Variants in ULK4 observed in about 807,000 individuals in gnomAD.
ULK4 encodes the protein inactive serine/threonine-protein kinase ULK4.
Under a neutral mutation model 160.6 loss-of-function variants are expected in ULK4, and 133 were observed. The ratio of observed to expected loss-of-function variants is 0.83; its 90% CI spans 0.72 to 0.96. The LOEUF is 0.96. ULK4 is among the 40% of genes least tolerant of loss of function. The pLI, the probability that ULK4 is intolerant of heterozygous loss-of-function variation, is 0.00. For synonymous variants in ULK4, 534 were observed against 539.8 expected (o/e 0.99, Z 0.15); for missense variants, 1,580 against 1,499.5 (o/e 1.05, Z -0.89).
chr3:41,917,004 G>A lies in ULK4; in HGVS notation c.728-952C>T, dbSNP rs1356444889. 7.9e-5 allele frequency among the ~76,000 whole-genome samples: 12 copies of A among 152,128 alleles called. No homozygotes were observed. The East Asian group carries it at 2.1e-3, about 27-fold the overall frequency. On this transcript the variant is annotated intron_variant, in intron 7 of 36. Transcript: ENST00000301831. ...ATTACAGGTGTGTGCCACCATGCCC[G>A]GCCCCAGCTTAACTATTAATTATAC...
intron 32 of ULK4, among the ~76,000 whole-genome samples, chr3:41,499,662 T>C (rs1488887775): frequency 6.6e-6 from 1 of 152,194 alleles, no homozygotes; most frequent in Non-Finnish European, 1.5e-5. Context: ...TGAATTAATA[T>C]ATCAATTACG....
At chr3:41,380,010 T>C (rs1575490601) in intron 35 of ULK4, among the ~76,000 whole-genome samples, 1 of 152,316 alleles carries the variant, frequency 6.6e-6, no homozygotes, top group East Asian at 1.9e-4. Flanking sequence ...GGCTGTCATG[T>C]GCTCACATAC....
chr3:41,820,463 C>T (rs1217493670), intron 18 of ULK4, among the ~76,000 whole-genome samples: 8 of 152,102 alleles, frequency 5.3e-5, no homozygotes, highest in Non-Finnish European at 2.9e-5. Flanking sequence ...ATATATCCAC[C>T]ACGAAATACT....
At chr3:41,529,071 C>T (rs909187411) in intron 32 of ULK4, among the ~76,000 whole-genome samples, 1 of 152,212 alleles carries the variant, frequency 6.6e-6, no homozygotes, top group Admixed American at 6.5e-5. Flanking sequence ...TCCCAAAGCG[C>T]ATCTTGAGAG....
intron 35 of ULK4, among the ~76,000 whole-genome samples, chr3:41,354,212 A>G (rs993170801): frequency 3.3e-5 from 5 of 152,150 alleles, no homozygotes; most frequent in African/African-American, 9.7e-5. Flanking sequence ...TCCTTGGTTC[A>G]TTGTTGACCA....
intron 33 of ULK4, among the ~76,000 whole-genome samples, chr3:41,461,568 G>A (rs1178126402): frequency 2.6e-5 from 4 of 152,172 alleles, no homozygotes; most frequent in Admixed American, 2.0e-4. Context: ...GCAGTAAAAT[G>A]TACAGTGGTG....
intron 31 of ULK4, among the ~76,000 whole-genome samples, chr3:41,588,083 C>G (rs1433226032): frequency 6.6e-6 from 1 of 152,180 alleles, no homozygotes; most frequent in Non-Finnish European, 1.5e-5. Flanking sequence ...TTAAGGACAT[C>G]TGAGCAGACA....
intron 34 of ULK4, among the ~76,000 whole-genome samples, chr3:41,401,277 C>G (rs1267861039): frequency 2.0e-5 from 3 of 152,046 alleles, no homozygotes; most frequent in Admixed American, 6.6e-5. Context: ...TATTTTACAT[C>G]TTTAATCCAC....
intron 35 of ULK4, among the ~76,000 whole-genome samples, chr3:41,305,849 G>A (rs1474747646): frequency 1.3e-5 from 2 of 148,284 alleles, no homozygotes; most frequent in Non-Finnish European, 3.0e-5. Context: ...AGTCTGAGAT[G>A]TGGGGAGCGC....
At chr3:41,629,704 C>A (rs1157799344) in intron 30 of ULK4, among the ~76,000 whole-genome samples, 1 of 152,116 alleles carries the variant, frequency 6.6e-6, no homozygotes, top group East Asian at 1.9e-4. Context: ...AAAACTGCTT[C>A]TTTGGCCGGG....
chr3:41,694,500 C>T (rs2036422559), intron 27 of ULK4, among the ~76,000 whole-genome samples: 1 of 152,064 alleles, frequency 6.6e-6, no homozygotes, highest in East Asian at 1.9e-4. Context: ...TGGGATAGGG[C>T]AGACAATCTG....
intron 35 of ULK4, among the ~76,000 whole-genome samples, chr3:41,326,674 A>C (rs939631567): frequency 1.3e-5 from 2 of 152,186 alleles, no homozygotes; most frequent in African/African-American, 4.8e-5. Context: ...CATTTTACAT[A>C]GTTTTAAGCT....
chr3:41,262,929 T>A (rs1026659791), intron 35 of ULK4, among the ~76,000 whole-genome samples: 2 of 152,162 alleles, frequency 1.3e-5, no homozygotes, highest in Non-Finnish European at 2.9e-5. Context: ...ACAGTTTTAA[T>A]TGGCAAAAAA....
intron 20 of ULK4, among the ~76,000 whole-genome samples, chr3:41,795,733 A>G (rs142333238): frequency 1.4e-4 from 21 of 152,356 alleles, no homozygotes; most frequent in African/African-American, 4.6e-4. Context: ...AAGAAGAGAT[A>G]TGATTTTATG....
At chr3:41,738,419 T>C (rs1365267423) in intron 22 of ULK4, among the ~76,000 whole-genome samples, 2 of 151,944 alleles carry the variant, frequency 1.3e-5, no homozygotes, top group Non-Finnish European at 2.9e-5. Context: ...TTCACTGCCT[T>C]GCCTCAAAGC....
chr3:41,889,326 G>C (rs1697834245), intron 16 of ULK4, among the ~76,000 whole-genome samples: 1 of 151,928 alleles, frequency 6.6e-6, no homozygotes, highest in Admixed American at 6.6e-5. Context: ...ATGCAGCTAG[G>C]AAAAGGGACC....
chr3:41,839,882 G>A, intron 17 of ULK4, among the ~76,000 whole-genome samples: 1 of 152,042 alleles, frequency 6.6e-6, no homozygotes, highest in Non-Finnish European at 1.5e-5. Flanking sequence ...ACAGGTACAG[G>A]ATTTGTATGC....
At chr3:41,511,477 AAC>A (rs1352047720) in intron 32 of ULK4, among the ~76,000 whole-genome samples, 1 of 152,182 alleles carries the variant, frequency 6.6e-6, no homozygotes, top group Non-Finnish European at 1.5e-5. Flanking sequence ...ATACCACAGA[AAC>A]ACAAAAGATT....
chr3:41,513,570 T>A (rs1559664197), intron 32 of ULK4, among the ~76,000 whole-genome samples: 1 of 151,974 alleles, frequency 6.6e-6, no homozygotes, highest in Non-Finnish European at 1.5e-5. Context: ...GAGGTGGAGG[T>A]TGCAGTGAGC....
Sources: gnomAD v4.1 joint callset for allele counts (sites outside exome capture counted in the v4.1 genomes callset) on GRCh38, gnomAD v4.1.1 for gene constraint, MANE v1.5 for transcripts, NCBI Gene and HGNC (gene_info 2026-07-23, HGNC 2026-07-21) for gene names.